The following TINAG variants were observed in gnomAD, a reference collection of about 807,000 sequenced individuals.
TINAG encodes the protein tubulointerstitial nephritis antigen.
TINAG carries 83 observed loss-of-function variants against 72.7 expected under a neutral mutation model. That is an observed-to-expected ratio of 1.14 (90% CI 0.96 to 1.37). The LOEUF (loss-of-function observed/expected upper bound fraction) is 1.37, where lower values mean the gene tolerates loss of function less well. TINAG is among the 40% of genes most tolerant of loss of function. TINAG has a pLI of 0.00. For missense variants in TINAG, 685 were observed against 576.6 expected (o/e 1.19, Z -1.93); for synonymous variants, 234 against 189.9 (o/e 1.23, Z -1.91).
intron 3 of TINAG, among the ~76,000 whole-genome samples, chr6:54,324,873 G>T (rs1784568799): frequency 6.6e-6 from 1 of 152,050 alleles, no homozygotes; most frequent in Non-Finnish European, 1.5e-5. Context: ...ATTCTCAATG[G>T]TACTCCATTG....
intron 9 of TINAG, among the ~76,000 whole-genome samples, chr6:54,364,790 A>G (rs1003656475): frequency 6.0e-5 from 9 of 151,240 alleles, no homozygotes; most frequent in African/African-American, 1.9e-4. Context: ...CTATCTATCT[A>G]TCATCTGTCT....
Position 54,331,303 on chromosome 6 carries a change from A to C in TINAG, c.624+4387A>C, listed in dbSNP as rs1325705406. 4.6e-5 allele frequency among the ~76,000 whole-genome samples: 7 copies of C among 152,350 alleles called. No individual in the cohort carries two copies. In the East Asian group the frequency reaches 1.3e-3, roughly 29 times the overall value. ...CCCTGGGATGCAAGGCTGCTTCAAC[A>C]TATCCAAATCTATAAATGTAATCCA... On this transcript the variant is annotated intron_variant, in intron 4 of 10. Coordinates refer to ENST00000259782, the MANE Select transcript of TINAG (RefSeq NM_014464.4).
At chr6:54,355,148 T>G (rs1339888540) in intron 9 of TINAG, among the ~76,000 whole-genome samples, 1 of 151,892 alleles carries the variant, frequency 6.6e-6, no homozygotes, top group Non-Finnish European at 1.5e-5. Context: ...CAAAATTTGG[T>G]GGTGGCATTT....
intron 3 of TINAG, among the ~76,000 whole-genome samples, chr6:54,321,621 G>A (rs1042632744): frequency 9.9e-5 from 15 of 152,146 alleles, no homozygotes; most frequent in East Asian, 5.8e-4. Flanking sequence ...GAGCAATGTC[G>A]TGGTGTAGGT....
At chr6:54,351,470 TAGG>T (rs766188694) in intron 8 of TINAG, 73 bp downstream of exon 8, 8 of 1,409,960 alleles carry the variant, frequency 5.7e-6, no homozygotes, top group Non-Finnish European at 5.9e-6. Flanking sequence ...GCTCATGTAA[TAGG>T]AGTTTAATAA....
intron 9 of TINAG, among the ~76,000 whole-genome samples, chr6:54,372,432 G>T (rs1562180982): frequency 6.6e-6 from 1 of 151,992 alleles, no homozygotes; most frequent in Non-Finnish European, 1.5e-5. Context: ...GAATACCTCT[G>T]TCATAGGTGT....
chr6:54,331,558 A>G lies in TINAG; in HGVS notation c.624+4642A>G, dbSNP rs529778151. On this transcript the variant is annotated intron_variant, in intron 4 of 10. Coordinates refer to ENST00000259782, the MANE Select transcript of TINAG (RefSeq NM_014464.4). ...CTTCGAAAACTGGCCCAAGACAAGGATGCCCTCTCTCACCACTTTTATTCA... is the reference window on the plus strand; with the variant it reads ...CTTCGAAAACTGGCCCAAGACAAGGGTGCCCTCTCTCACCACTTTTATTCA... Among the ~76,000 whole-genome samples the G allele has an allele frequency of 2.2e-4, 33 of 152,346 alleles. 2 individuals are homozygous for G. In the South Asian group the frequency reaches 6.4e-3, roughly 30 times the overall value.
At chr6:54,335,663 C>A (rs1784847988) in intron 4 of TINAG, among the ~76,000 whole-genome samples, 1 of 152,148 alleles carries the variant, frequency 6.6e-6, no homozygotes, top group Admixed American at 6.5e-5. Context: ...AGTTTTATAG[C>A]TAGTTCTTAG....
intron 3 of TINAG, 40 bp downstream of exon 3, chr6:54,321,426 AT>A (rs773002019): frequency 7.3e-7 from 1 of 1,374,066 alleles, no homozygotes; most frequent in African/African-American, 1.4e-5. Context: ...TGACACTGCC[AT>A]TTACTATGCA....
intron 3 of TINAG, among the ~76,000 whole-genome samples, chr6:54,326,473 GCTT>G (rs1784605318): frequency 6.6e-6 from 1 of 151,722 alleles, no homozygotes; most frequent in South Asian, 2.1e-4. Flanking sequence ...GTATATTTAA[GCTT>G]CTTTCTAAGA....
chr6:54,382,507 T>C (rs1328487212), intron 10 of TINAG, among the ~76,000 whole-genome samples: 1 of 152,100 alleles, frequency 6.6e-6, no homozygotes, highest in Non-Finnish European at 1.5e-5. Context: ...TTAATTAAAA[T>C]ATGAAACTTT....
At chr6:54,381,067 T>C (rs1244475721) in intron 10 of TINAG, among the ~76,000 whole-genome samples, 1 of 148,482 alleles carries the variant, frequency 6.7e-6, no homozygotes, top group Non-Finnish European at 1.5e-5. Flanking sequence ...TACACATATA[T>C]GTATATATAT....
rs578011334 is a variant in TINAG at position 54,372,044 on chromosome 6, T to A, written c.1251-8482T>A. On this transcript the variant is annotated intron_variant, in intron 9 of 10. Coordinates refer to ENST00000259782, the MANE Select transcript of TINAG (RefSeq NM_014464.4). ...TTTACCCTTGTTGCCCAGACTGGAGTACAATGGCATGATCTGGGCTCACTG... is the reference window on the plus strand; with the variant it reads ...TTTACCCTTGTTGCCCAGACTGGAGAACAATGGCATGATCTGGGCTCACTG... Among the ~76,000 whole-genome samples the A allele has an allele frequency of 3.4e-4, 44 of 131,298 alleles. No homozygotes were observed. The South Asian group carries it at 6.0e-3, about 18-fold the overall frequency. 86.1% of individuals were successfully genotyped at this position (131,298 alleles called of 152,430 possible).
At chr6:54,337,929 C>T (rs890475597) in intron 4 of TINAG, among the ~76,000 whole-genome samples, 1 of 152,118 alleles carries the variant, frequency 6.6e-6, no homozygotes, top group Non-Finnish European at 1.5e-5. Flanking sequence ...TAGGGAAAAG[C>T]CGAGGACAGA....
At chr6:54,377,969 T>G (rs538481380) in intron 9 of TINAG, among the ~76,000 whole-genome samples, 99 of 151,020 alleles carry the variant, frequency 6.6e-4, no homozygotes, top group African/African-American at 2.2e-3. Context: ...GCAGATCTAT[T>G]TTTTTTTTAC....
chr6:54,377,466 T>C (rs1763815367), intron 9 of TINAG, among the ~76,000 whole-genome samples: 1 of 152,030 alleles, frequency 6.6e-6, no homozygotes, highest in Non-Finnish European at 1.5e-5. Flanking sequence ...GAGCCGATAC[T>C]GTGTCACTGC....
chr6:54,308,786 C>G lies in TINAG; in HGVS notation c.236C>G (p.Ala79Gly). The change falls in exon 1 of 11, where the codon GCG (alanine) becomes GGG (glycine). Residue 79 changes from alanine to glycine, a missense_variant. Ala to Gly is a moderately conservative substitution (Grantham distance 60). Transcript: ENST00000259782. ...GCVTEFYAAN[A>G]LCYCDKFCDR... ...GTCACTGAGTTCTATGCGGCGAATG[C>G]GTTGTGCTACTGTGATAAATTCTGT... is the stretch of plus-strand genomic sequence containing the variant. The G allele has an allele frequency of 6.2e-7, 1 of 1,613,810 alleles. No individual in the cohort carries two copies.
chr6:54,316,489 C>T (rs1025827233), intron 1 of TINAG, among the ~76,000 whole-genome samples: 7 of 152,086 alleles, frequency 4.6e-5, no homozygotes, highest in Non-Finnish European at 8.8e-5. Flanking sequence ...GCACTTGCAG[C>T]CGTTTCTCCA....
rs9474817 is a variant in TINAG, at chr6:54,348,996, T to G, written c.900-720T>G. On this transcript the variant is annotated intron_variant, in intron 6 of 10. Coordinates refer to ENST00000259782, the MANE Select transcript of TINAG (RefSeq NM_014464.4). ...ACCATGATTTTATTTCCCTTACAAT[T>G]TATCTTTTTATTCAATATTATTATG... Among the ~76,000 whole-genome samples, 1,409 of 152,156 alleles carry G rather than the reference T, an allele frequency of 9.3e-3. 19 individuals are homozygous for G. Among genetic ancestry groups the G allele is most frequent in the African/African-American group, 0.032 (1,341 of 41,524 alleles).
Sources: gnomAD v4.1 joint callset for allele counts (sites outside exome capture counted in the v4.1 genomes callset) on GRCh38, gnomAD v4.1.1 for gene constraint, MANE v1.5 for transcripts, NCBI Gene and HGNC (gene_info 2026-07-23, HGNC 2026-07-21) for gene names.